DLGAP4: variants seen among roughly 807,000 people sequenced by gnomAD.
The protein encoded by DLGAP4 is DLG associated protein 4.
A neutral mutation model predicts 86.9 loss-of-function variants in DLGAP4; 18 were observed. That is an observed-to-expected ratio of 0.21 (90% CI 0.14 to 0.31). DLGAP4 has a LOEUF of 0.31. Ranked by LOEUF, DLGAP4 falls within the 10% of genes least tolerant of loss-of-function variation. The pLI is 1.00. For synonymous variants in DLGAP4, 548 were observed against 574.3 expected (o/e 0.95, Z 0.65); for missense variants, 1,085 against 1,362.6 (o/e 0.80, Z 3.21).
chr20:36,442,679 A>G, intron 5 of DLGAP4, 48 bp from the exon 6 acceptor site: 1 of 1,580,072 alleles, frequency 6.3e-7, no homozygotes, highest in Non-Finnish European at 8.7e-7. Context: ...CCCCCACCCC[A>G]GCCCCAGCCC....
At chr20:36,437,323 G>A (rs1305112262) in intron 4 of DLGAP4, among the ~76,000 whole-genome samples, 1 of 152,186 alleles carries the variant, frequency 6.6e-6, no homozygotes, top group Non-Finnish European at 1.5e-5. Flanking sequence ...TCGGGTGATA[G>A]GTCCAGGTAA....
At chr20:36,315,261 A>G (rs2065088277) in intron 1 of DLGAP4, among the ~76,000 whole-genome samples, 1 of 151,732 alleles carries the variant, frequency 6.6e-6, no homozygotes, top group Non-Finnish European at 1.5e-5. Flanking sequence ...CACATGAGTG[A>G]CAGGCACTGT....
chr20:36,509,102 T>C (rs1216465925), intron 10 of DLGAP4, among the ~76,000 whole-genome samples: 20 of 152,258 alleles, frequency 1.3e-4, no homozygotes, highest in Admixed American at 1.3e-3. Context: ...TTGTATACTC[T>C]ATTCATTCTT....
chr20:36,476,784 C>T (rs1393578042), intron 7 of DLGAP4, among the ~76,000 whole-genome samples: 8 of 145,842 alleles, frequency 5.5e-5, no homozygotes, highest in South Asian at 2.2e-4. Flanking sequence ...CTTGGCTCAC[C>T]GCAACCTCCG....
At chr20:36,326,772 C>G (rs1270536588) in intron 1 of DLGAP4, among the ~76,000 whole-genome samples, 1 of 152,028 alleles carries the variant, frequency 6.6e-6, no homozygotes, top group Non-Finnish European at 1.5e-5. Context: ...GGAATTCTTT[C>G]AGCTTTAATG....
At position 36,350,994 on chromosome 20, in the gene DLGAP4, C is replaced by T. The variant is rs1448098538; in HGVS notation, c.-303-16051C>T. Among the ~76,000 whole-genome samples the T allele has an allele frequency of 6.6e-6, 1 of 152,266 alleles. No individual in the cohort carries two copies. Among genetic ancestry groups the T allele is most frequent in the Non-Finnish European group, 1.5e-5 (1 of 68,048 alleles). ...GAGGTATCTGTGGGCCCAGACACAT[C>T]TAAGCTTTAATCTCAACTCCAGCGT... On this transcript the variant is annotated intron_variant, in intron 1 of 12. Coordinates refer to ENST00000339266, the MANE Select transcript of DLGAP4 (RefSeq NM_001365621.2). This position sits in a 1 kb window ranked among gnomAD's most constrained non-coding sequence, Gnocchi z 4.4.
Position 36,393,980 on chromosome 20 carries a change from C to T in DLGAP4, c.-73+26705C>T, listed in dbSNP as rs2031865947. On this transcript the variant is annotated intron_variant, in intron 2 of 12. Transcript: ENST00000339266. This position sits in a 1 kb window ranked among gnomAD's most constrained non-coding sequence, Gnocchi z 4.4. ...GGGAGGTGGCCTTCACAGGGTGCCC[C>T]CTCCCTCCTCCATGCCGCACTGGCC... 1.3e-5 allele frequency among the ~76,000 whole-genome samples: 2 copies of T among 152,162 alleles called. No homozygotes were observed. The highest frequency in any genetic ancestry group is 2.1e-4 in the South Asian group (1 of 4,830).
intron 2 of DLGAP4, among the ~76,000 whole-genome samples, chr20:36,405,790 C>T (rs1239703974): frequency 6.6e-6 from 1 of 152,084 alleles, no homozygotes; most frequent in Non-Finnish European, 1.5e-5. Flanking sequence ...AATGGTGACA[C>T]ACCCATGTTA....
chr20:36,439,824 A>T lies in DLGAP4; in HGVS notation c.1312A>T (p.Thr438Ser), dbSNP rs1213710553. 2.5e-6 allele frequency: 4 copies of T among 1,613,026 alleles called. No individual in the cohort carries two copies. The highest frequency in any genetic ancestry group is 1.7e-5 in the Admixed American group (1 of 59,988). ...GTGTCCGAGCTGGGAAGAGGACTAC[A>T]CCCCCGTCAGCGACAGCCTCAACGA... ...SKCPSWEEDY[T>S]PVSDSLNDSS... is the part of the protein sequence containing the mutation. Residue 438 changes from threonine to serine, a missense_variant, in exon 5 of 13, where the codon ACC becomes TCC. By Grantham distance (58) the Thr-to-Ser change is moderately conservative. Around this residue, in one of 2 missense-constraint regions of DLGAP4, gnomAD observed 1,082 missense variants for 1,344.1 expected, o/e 0.81. Coordinates refer to ENST00000339266, the MANE Select transcript of DLGAP4 (RefSeq NM_001365621.2).
intron 7 of DLGAP4, among the ~76,000 whole-genome samples, chr20:36,494,993 T>TTC (rs2035825805): frequency 7.2e-6 from 1 of 138,798 alleles, no homozygotes; most frequent in African/African-American, 2.7e-5. Flanking sequence ...GGTTTTTTTT[T>TTC]TTTTTTTTTT....
intron 4 of DLGAP4, among the ~76,000 whole-genome samples, chr20:36,439,383 A>G (rs546810846): frequency 6.6e-6 from 1 of 152,324 alleles, no homozygotes; most frequent in Admixed American, 6.5e-5. Flanking sequence ...GCCCAGGATC[A>G]GGTAGATGTA....
intron 10 of DLGAP4, among the ~76,000 whole-genome samples, chr20:36,502,545 T>C (rs1402729453): frequency 2.0e-5 from 3 of 151,484 alleles, no homozygotes; most frequent in Admixed American, 2.0e-4. Context: ...AGGGACAAGG[T>C]CTCCCTGCGT....
chr20:36,345,363 T>A (rs1188615380), intron 1 of DLGAP4, among the ~76,000 whole-genome samples: 5 of 152,200 alleles, frequency 3.3e-5, no homozygotes, highest in African/African-American at 1.2e-4. Flanking sequence ...CAAACCAAGG[T>A]CAGGGCCATT....
chr20:36,515,590 T>C (rs2036990839), intron 10 of DLGAP4, among the ~76,000 whole-genome samples: 1 of 152,254 alleles, frequency 6.6e-6, no homozygotes, highest in Non-Finnish European at 1.5e-5. Flanking sequence ...AAATGTATTT[T>C]AATTTATTTA....
chr20:36,382,042 T>A (rs547183348), intron 2 of DLGAP4, among the ~76,000 whole-genome samples: 2 of 152,210 alleles, frequency 1.3e-5, no homozygotes, highest in Non-Finnish European at 2.9e-5. Context: ...CAGCACTGGA[T>A]GTTGGCAAGC....
At chr20:36,392,257 G>T (rs1300372110) in intron 2 of DLGAP4, among the ~76,000 whole-genome samples, 9 of 152,222 alleles carry the variant, frequency 5.9e-5, no homozygotes, top group African/African-American at 2.2e-4. Context: ...CTGGAATTCA[G>T]CTCAAATGCG....
chr20:36,481,332 G>T (rs1288011087), intron 7 of DLGAP4, among the ~76,000 whole-genome samples: 1 of 152,130 alleles, frequency 6.6e-6, no homozygotes, highest in African/African-American at 2.4e-5. Flanking sequence ...GGCTACATGT[G>T]TATTTGACAG....
At chr20:36,464,567 C>T (rs759414071) in intron 7 of DLGAP4, among the ~76,000 whole-genome samples, 1 of 151,634 alleles carries the variant, frequency 6.6e-6, no homozygotes, top group Non-Finnish European at 1.5e-5. Context: ...GAGACCCTGT[C>T]GACCGGGCGC....
intron 2 of DLGAP4, among the ~76,000 whole-genome samples, chr20:36,428,221 C>T (rs1038272119): frequency 2.0e-5 from 3 of 152,148 alleles, no homozygotes; most frequent in African/African-American, 7.2e-5. Context: ...ACCTGGTAGC[C>T]ACTTGCCACA....
Sources: gnomAD v4.1 joint callset for allele counts (sites outside exome capture counted in the v4.1 genomes callset) on GRCh38, gnomAD v4.1.1 for gene constraint, gnomAD v4.1.1 regional missense constraint, Gnocchi (gnomAD v3.1) non-coding constraint, MANE v1.5 for transcripts, NCBI Gene and HGNC (gene_info 2026-07-23, HGNC 2026-07-21) for gene names.